ABCD2: variants seen among roughly 807,000 people sequenced by gnomAD.
ABCD2 encodes ATP-binding cassette sub-family D member 2.
Under a neutral mutation model 70.9 loss-of-function variants are expected in ABCD2, and 36 were observed. That is an observed-to-expected ratio of 0.51 (90% CI 0.39 to 0.67). The LOEUF (loss-of-function observed/expected upper bound fraction) is 0.67. Ranked by LOEUF, ABCD2 falls within the 30% of genes least tolerant of loss-of-function variation. The pLI is 0.00. For synonymous variants in ABCD2, 304 were observed against 306.9 expected (o/e 0.99, Z 0.10); for missense variants, 729 against 890.2 (o/e 0.82, Z 2.30).
chr12:39,566,910 G>C lies in ABCD2; in HGVS notation c.2003+6806C>G, dbSNP rs1354235431. Among the ~76,000 whole-genome samples, 5 of 152,184 alleles carry C rather than the reference G, an allele frequency of 3.3e-5. No homozygotes were observed. The East Asian group carries it at 9.6e-4, about 29-fold the overall frequency. ...TGTACCCAGTAGTCACTCAGGAGCA[G>C]GTTGTTCAGTTTCCATGTAGTTTAG... On this transcript the variant is annotated intron_variant, in intron 9 of 9. Transcript: ENST00000308666.
chr12:39,618,867 C>T lies in ABCD2; in HGVS notation c.749G>A (p.Gly250Glu), dbSNP rs776509690. The T allele has an allele frequency of 3.7e-6, 6 of 1,614,154 alleles. No individual in the cohort carries two copies. Among genetic ancestry groups the T allele is most frequent in the South Asian group, 1.1e-5 (1 of 91,076 alleles). Residue 250 changes from glycine (G) to glutamate (E), a missense_variant, in exon 1 of 10, where the codon GGA becomes GAA. Gly to Glu is a moderately conservative substitution (Grantham distance 98). This residue lies in a region of ABCD2 where 195 missense variants were observed against 300.2 expected (regional missense o/e 0.65). Coordinates refer to ENST00000308666, the MANE Select transcript of ABCD2 (RefSeq NM_005164.4). ...YTLIQTATSR[G>E]ASPIGPTLLA... ...TAGGGTGGGCCCAATTGGGCTTGCT[C>T]CTCTGGATGTAGCAGTTTGAATGAG...
At chr12:39,535,508 G>T in the ABCD2 span, among the ~76,000 whole-genome samples, 1 of 152,080 alleles carries the variant, frequency 6.6e-6, no homozygotes, top group Admixed American at 6.6e-5. Flanking sequence ...TTCAAATAAA[G>T]TCCAAATATA....
At chr12:39,579,480 T>G in intron 8 of ABCD2, 55 bp downstream of exon 8, 1 of 1,262,354 alleles carries the variant, frequency 7.9e-7, no homozygotes, top group African/African-American at 1.5e-5. Flanking sequence ...TTCCTATTGT[T>G]GCTTGGTTTG....
chr12:39,558,329 C>A (rs772112533), intron 9 of ABCD2, among the ~76,000 whole-genome samples: 1 of 152,066 alleles, frequency 6.6e-6, no homozygotes. Flanking sequence ...GACTTGGACT[C>A]TTGGGTTAAT....
intron 2 of ABCD2, 37 bp from the exon 3 acceptor site, chr12:39,607,751 T>TA (rs1045023306): frequency 9.7e-6 from 13 of 1,335,134 alleles, no homozygotes; most frequent in Non-Finnish European, 1.4e-5. Context: ...TTGAGTTTTT[T>TA]TTTTTTTTTT....
intron 7 of ABCD2, among the ~76,000 whole-genome samples, chr12:39,584,375 C>T (rs1335086106): frequency 6.6e-6 from 1 of 151,806 alleles, no homozygotes; most frequent in African/African-American, 2.4e-5. Flanking sequence ...TTTGTTTTTC[C>T]CTTGTAAATT....
At chr12:39,582,623 C>T (rs1004094050) in intron 7 of ABCD2, among the ~76,000 whole-genome samples, 14 of 152,130 alleles carry the variant, frequency 9.2e-5, no homozygotes, top group Admixed American at 9.2e-4. Context: ...CTACCACAGC[C>T]TTCTGAAACT....
chr12:39,601,277 A>G (rs916091008), intron 5 of ABCD2, among the ~76,000 whole-genome samples: 4 of 151,908 alleles, frequency 2.6e-5, no homozygotes, highest in Admixed American at 6.6e-5. Flanking sequence ...AAATAGAGAA[A>G]ATATGTTTAA....
At chr12:39,566,294 C>T (rs1468260043) in intron 9 of ABCD2, among the ~76,000 whole-genome samples, 1 of 152,106 alleles carries the variant, frequency 6.6e-6, no homozygotes, top group African/African-American at 2.4e-5. Context: ...TTAATTATTG[C>T]CTCAATTTCA....
intron 9 of ABCD2, among the ~76,000 whole-genome samples, chr12:39,558,725 A>G (rs1432616776): frequency 6.6e-6 from 1 of 152,142 alleles, no homozygotes. Context: ...GCCATCCTGA[A>G]CTGTGAGTCA....
At chr12:39,538,560 G>A in the ABCD2 span, among the ~76,000 whole-genome samples, 1 of 152,122 alleles carries the variant, frequency 6.6e-6, no homozygotes, top group Non-Finnish European at 1.5e-5. Context: ...CAAGAACCTG[G>A]ACACCTTCCA....
At chr12:39,599,944 A>T (rs1467175800) in intron 6 of ABCD2, among the ~76,000 whole-genome samples, 1 of 152,204 alleles carries the variant, frequency 6.6e-6, no homozygotes, top group African/African-American at 2.4e-5. Flanking sequence ...TCTCTTATCC[A>T]CAATGAATAT....
intron 2 of ABCD2, among the ~76,000 whole-genome samples, chr12:39,614,497 C>G (rs374935007): frequency 1.3e-5 from 2 of 151,936 alleles, no homozygotes; most frequent in Non-Finnish European, 2.9e-5. Flanking sequence ...CTTTTTCCCC[C>G]CTCTACTTCA....
chr12:39,550,582 A>T lies in ABCD2; in HGVS notation c.*3330T>A, dbSNP rs1284745573. The T allele has an allele frequency of 3.3e-5, 5 of 151,746 alleles. No homozygotes were observed. Among genetic ancestry groups the T allele is most frequent in the Non-Finnish European group, 5.9e-5 (4 of 67,700 alleles). The allele number at this position is 151,746 out of a possible 1,614,324, so 9.4% of individuals were successfully genotyped here. ...AACAATGAAGAAGAAATTGGTTTTT[A>T]AAAAAATATTTTATACATCCACCTG... On this transcript the variant is annotated 3_prime_UTR_variant, in exon 10 of 10. Coordinates refer to ENST00000308666, the MANE Select transcript of ABCD2 (RefSeq NM_005164.4).
intron 9 of ABCD2, among the ~76,000 whole-genome samples, chr12:39,560,620 A>G (rs1288704758): frequency 6.6e-6 from 1 of 152,172 alleles, no homozygotes; most frequent in Non-Finnish European, 1.5e-5. Flanking sequence ...CAATTTGTAT[A>G]TACTTTAACA....
At chr12:39,607,502 T>A in intron 3 of ABCD2, 97 bp downstream of exon 3, 1 of 1,014,300 alleles carries the variant, frequency 9.9e-7, no homozygotes, top group Non-Finnish European at 1.5e-6. Flanking sequence ...AGAGAAAAGA[T>A]ATGTTTCCAA....
At chr12:39,536,455 G>A in the ABCD2 span, among the ~76,000 whole-genome samples, 1 of 152,106 alleles carries the variant, frequency 6.6e-6, no homozygotes, top group Non-Finnish European at 1.5e-5. Flanking sequence ...TTAAGAAAAG[G>A]CACATATAAA....
At chr12:39,599,305 C>T (rs542883062) in intron 6 of ABCD2, among the ~76,000 whole-genome samples, 8 of 152,194 alleles carry the variant, frequency 5.3e-5, no homozygotes, top group Non-Finnish European at 1.0e-4. Context: ...GAATAGAATT[C>T]TATAATAGAA....
chr12:39,541,626 C>G, the ABCD2 span, among the ~76,000 whole-genome samples: 2 of 152,180 alleles, frequency 1.3e-5, no homozygotes, highest in African/African-American at 4.8e-5. Flanking sequence ...GGGAAAAGGT[C>G]ACTGGCTACT....
Sources: allele counts gnomAD v4.1 joint callset (sites outside exome capture counted in the v4.1 genomes callset), GRCh38; gene constraint gnomAD v4.1.1; regional missense constraint gnomAD v4.1.1; transcripts MANE v1.5; gene names NCBI Gene and HGNC (gene_info 2026-07-23, HGNC 2026-07-21).